PPFIA2: variants seen among roughly 807,000 people sequenced by gnomAD.
PPFIA2 encodes the protein liprin-alpha-2.
Under a neutral mutation model 175.5 loss-of-function variants are expected in PPFIA2, and 46 were observed. That is an observed-to-expected ratio of 0.26 (90% CI 0.21 to 0.34). The LOEUF (loss-of-function observed/expected upper bound fraction) is 0.34, where lower values mean the gene tolerates loss of function less well. Ranked by LOEUF, PPFIA2 falls within the 10% of genes least tolerant of loss-of-function variation. The probability of loss-of-function intolerance (pLI) is 1.00; values close to 1 mark genes in which losing one functional copy is unlikely to be tolerated. For missense variants in PPFIA2, 1,179 were observed against 1,506.1 expected (o/e 0.78, Z 3.60); for synonymous variants, 568 against 511.4 (o/e 1.11, Z -1.49).
intron 3 of PPFIA2, among the ~76,000 whole-genome samples, chr12:81,705,364 G>A (rs1253461047): frequency 6.7e-6 from 1 of 150,248 alleles, no homozygotes; most frequent in African/African-American, 2.4e-5. Context: ...GCTGAGGCAG[G>A]AGAATGGCAT....
At chr12:81,374,805 C>G in intron 10 of PPFIA2, 37 bp from the exon 11 acceptor site, 1 of 1,583,926 alleles carries the variant, frequency 6.3e-7, no homozygotes, top group Non-Finnish European at 8.6e-7. Flanking sequence ...CTTAAAGAGT[C>G]AGAGTTTGGA....
At position 81,724,575 on chromosome 12, in the gene PPFIA2, C is replaced by T. The variant is rs536863561; in HGVS notation, c.249+29398G>A. Among the ~76,000 whole-genome samples, 301 of 150,930 alleles carry T rather than the reference C, an allele frequency of 2.0e-3. 1 individual carries two copies. The highest frequency in any genetic ancestry group is 6.9e-3 in the African/African-American group (286 of 41,372). On this transcript the variant is annotated intron_variant, in intron 3 of 32. Coordinates refer to ENST00000549396, the MANE Select transcript of PPFIA2 (RefSeq NM_003625.5). ...GCTCCCAATTATAATTGAGAACATT[C>T]GACTTTCTTTTTTGAGTTATTTCAC...
chr12:81,290,980 C>T (rs1333116930), intron 24 of PPFIA2, among the ~76,000 whole-genome samples: 2 of 151,442 alleles, frequency 1.3e-5, no homozygotes, highest in Admixed American at 1.3e-4. Context: ...GTTGCAGTTG[C>T]ATATTTAATA....
rs144685090 is a variant in PPFIA2 at position 81,353,222 on chromosome 12, T to C, written c.1891A>G (p.Ile631Val). The C allele has an allele frequency of 6.4e-5, 103 of 1,613,846 alleles. No individual in the cohort carries two copies. In the African/African-American group the frequency reaches 1.2e-3, roughly 18 times the overall value. The stretch of plus-strand genomic sequence containing the variant: ...GAGAGAAGATCCATTGAGCTAAAAA[T>C]TGTTTCTCTGTCATCATCATCAATA... Reference protein sequence around the residue: ...SDIDDDDRETIFSSMDLLSPS... With the variant: ...SDIDDDDRETVFSSMDLLSPS... Residue 631 changes from isoleucine (I) to valine (V), a missense_variant, in exon 17 of 33, where the codon ATT becomes GTT. Transcript: ENST00000549396.
chr12:81,676,291 T>G (rs992617730), intron 4 of PPFIA2, among the ~76,000 whole-genome samples: 1 of 152,006 alleles, frequency 6.6e-6, no homozygotes, highest in African/African-American at 2.4e-5. Flanking sequence ...GTTCCAATAA[T>G]AGAACATCAA....
chr12:81,365,788 G>T (rs1450102489), intron 14 of PPFIA2, among the ~76,000 whole-genome samples: 1 of 151,576 alleles, frequency 6.6e-6, no homozygotes, highest in East Asian at 1.9e-4. Flanking sequence ...TATATTCTAG[G>T]CCCCACATTA....
chr12:81,501,861 C>T lies in PPFIA2; in HGVS notation c.304-43995G>A, dbSNP rs190312922. Among the ~76,000 whole-genome samples, 6 of 152,102 alleles carry T rather than the reference C, an allele frequency of 3.9e-5. No homozygotes were observed. In the East Asian group the frequency reaches 1.2e-3, roughly 29 times the overall value. ...TAACACTGCTATTGTCAATTTGTTG[C>T]TAAGAAAGATCAAAGGAGAAATTGA... On this transcript the variant is annotated intron_variant, in intron 4 of 32. Coordinates refer to ENST00000549396, the MANE Select transcript of PPFIA2 (RefSeq NM_003625.5).
intron 3 of PPFIA2, among the ~76,000 whole-genome samples, chr12:81,735,955 C>T (rs553325657): frequency 1.3e-5 from 2 of 151,948 alleles, no homozygotes; most frequent in South Asian, 4.1e-4. Flanking sequence ...CTTAAACTAA[C>T]CTGTTTACTG....
chr12:81,352,420 T>C (rs1203400742), intron 17 of PPFIA2, among the ~76,000 whole-genome samples: 1 of 151,190 alleles, frequency 6.6e-6, no homozygotes, highest in African/African-American at 2.4e-5. Flanking sequence ...ATAGAATTAA[T>C]ATATTAATGT....
At chr12:81,720,589 G>GTATGGC (rs1311094507) in intron 3 of PPFIA2, among the ~76,000 whole-genome samples, 2 of 151,432 alleles carry the variant, frequency 1.3e-5, no homozygotes, top group South Asian at 2.1e-4. Flanking sequence ...TCTAGCCAAG[G>GTATGGC]TATGGCCCTG....
chr12:81,419,742 A>G (rs1416563620), intron 7 of PPFIA2, among the ~76,000 whole-genome samples: 1 of 152,138 alleles, frequency 6.6e-6, no homozygotes, highest in Non-Finnish European at 1.5e-5. Flanking sequence ...GAGTATATAC[A>G]TGACTTCTGG....
At chr12:81,692,175 G>T (rs2075336245) in intron 3 of PPFIA2, among the ~76,000 whole-genome samples, 1 of 151,340 alleles carries the variant, frequency 6.6e-6, no homozygotes, top group African/African-American at 2.4e-5. Flanking sequence ...ACAGCTTATG[G>T]GAAGATCAAG....
chr12:81,534,876 G>C (rs929965102), intron 4 of PPFIA2, among the ~76,000 whole-genome samples: 4 of 151,582 alleles, frequency 2.6e-5, no homozygotes, highest in Admixed American at 1.3e-4. Flanking sequence ...AAATTCTAGG[G>C]AGGGAGAAGA....
intron 4 of PPFIA2, among the ~76,000 whole-genome samples, chr12:81,526,178 A>AT (rs2063712462): frequency 6.6e-6 from 1 of 152,080 alleles, no homozygotes; most frequent in African/African-American, 2.4e-5. Flanking sequence ...TTGAGACAGC[A>AT]TTTTTTATTC....
intron 3 of PPFIA2, among the ~76,000 whole-genome samples, chr12:81,713,970 C>T (rs2078270035): frequency 6.6e-6 from 1 of 150,922 alleles, no homozygotes; most frequent in Non-Finnish European, 1.5e-5. Flanking sequence ...AGGGGTAGGT[C>T]TCAATAATAA....
chr12:81,592,746 C>G (rs1476669678), intron 4 of PPFIA2, among the ~76,000 whole-genome samples: 2 of 151,992 alleles, frequency 1.3e-5, no homozygotes, highest in Non-Finnish European at 2.9e-5. Flanking sequence ...TTGGGTATAT[C>G]TTTATCAGCA....
intron 4 of PPFIA2, among the ~76,000 whole-genome samples, chr12:81,623,599 A>G (rs11114942): frequency 0.063 from 9,535 of 151,968 alleles, 414 homozygotes; most frequent in East Asian, 0.25. Flanking sequence ...CCTTTTTTCA[A>G]AGCACATTTG....
chr12:81,449,919 T>A (rs558496960), intron 5 of PPFIA2, among the ~76,000 whole-genome samples: 2 of 152,088 alleles, frequency 1.3e-5, no homozygotes, highest in East Asian at 3.9e-4. Context: ...AATAGTTTGC[T>A]GAGAATGATG....
chr12:81,642,710 G>GTATATAATATATACATACAT lies in PPFIA2; in HGVS notation c.303+34080_303+34081insATGTATGTATATATTATATA, dbSNP rs1174223274. Among the ~76,000 whole-genome samples, 20 of 75,706 alleles carry GTATATAATATATACATACAT rather than the reference G, an allele frequency of 2.6e-4. 4 individuals are homozygous for GTATATAATATATACATACAT. The highest frequency in any genetic ancestry group is 5.1e-4 in the Admixed American group (4 of 7,780). The allele number at this position is 75,706 out of a possible 152,430, so 49.7% of individuals were successfully genotyped here. ...ATTATATACATACATGTATATGTAT[G>GTATATAATATATACATACAT]TATGTATTATATACATACATGTATA... is the stretch of plus-strand genomic sequence containing the variant. On this transcript the variant is annotated intron_variant, in intron 4 of 32. Coordinates refer to ENST00000549396, the MANE Select transcript of PPFIA2 (RefSeq NM_003625.5).
Sources: gnomAD v4.1 joint callset for allele counts (sites outside exome capture counted in the v4.1 genomes callset) on GRCh38, gnomAD v4.1.1 for gene constraint, MANE v1.5 for transcripts, NCBI Gene and HGNC (gene_info 2026-07-23, HGNC 2026-07-21) for gene names.